RARB: variants seen among roughly 807,000 people sequenced by gnomAD.
The protein encoded by RARB is HBV-activated protein.
Under a neutral mutation model 51.9 loss-of-function variants are expected in RARB, and 17 were observed. The ratio of observed to expected loss-of-function variants is 0.33; its 90% CI spans 0.22 to 0.49. The LOEUF is 0.49. RARB is among the 20% of genes least tolerant of loss of function. The pLI is 0.99. For synonymous variants in RARB, 215 were observed against 195.4 expected, an observed-to-expected ratio of 1.10 and a Z score of -0.84; for missense variants, 369 against 550.8, an observed-to-expected ratio of 0.67 and a Z score of 3.30.
chr3:24,862,356 G>A (rs1438311199), intron 2 of RARB, among the ~76,000 whole-genome samples: 1 of 152,180 alleles, frequency 6.6e-6, no homozygotes, highest in Non-Finnish European at 1.5e-5. Context: ...GTCCAAAGAG[G>A]TGGGTGAAGT....
chr3:25,168,155 G>A (rs1455451938), intron 4 of RARB, among the ~76,000 whole-genome samples: 1 of 152,118 alleles, frequency 6.6e-6, no homozygotes, highest in Non-Finnish European at 1.5e-5. Flanking sequence ...AAAAAGTAAA[G>A]AGAAAGAGTC....
intron 2 of RARB, among the ~76,000 whole-genome samples, chr3:25,018,672 T>C (rs1374430265): frequency 6.6e-6 from 1 of 152,166 alleles, no homozygotes; most frequent in Non-Finnish European, 1.5e-5. Context: ...AGAAAAGTCA[T>C]TGTATATAAA....
chr3:25,556,884 A>G (rs1475106327), intron 3 of RARB, among the ~76,000 whole-genome samples: 1 of 152,224 alleles, frequency 6.6e-6, no homozygotes, highest in Non-Finnish European at 1.5e-5. Context: ...GTTGGCAATT[A>G]TGAGTTTGAA....
At chr3:25,273,868 G>T (rs761237601) in intron 5 of RARB, among the ~76,000 whole-genome samples, 2 of 152,092 alleles carry the variant, frequency 1.3e-5, no homozygotes, top group African/African-American at 2.4e-5. Context: ...TCCTTTTCAG[G>T]CACCTCCAGG....
intron 5 of RARB, among the ~76,000 whole-genome samples, chr3:25,252,571 A>G (rs1330925698): frequency 6.6e-6 from 1 of 152,194 alleles, no homozygotes; most frequent in Admixed American, 6.5e-5. Flanking sequence ...TTCTTTTGCT[A>G]AGCTTATTCC....
chr3:24,915,021 A>G (rs1695075900), intron 2 of RARB, among the ~76,000 whole-genome samples: 1 of 152,212 alleles, frequency 6.6e-6, no homozygotes, highest in Admixed American at 6.5e-5. Context: ...TTTGTCTTTG[A>G]AAGCTGATTT....
At chr3:25,497,624 G>T (rs75165170) in intron 2 of RARB, among the ~76,000 whole-genome samples, 9,266 of 152,232 alleles carry the variant, frequency 0.061, 308 homozygotes, top group Non-Finnish European at 0.081. Context: ...CTTAGTCCCA[G>T]ATGGTTGTGA....
intron 3 of RARB, among the ~76,000 whole-genome samples, chr3:25,544,841 T>C (rs1699550955): frequency 1.3e-5 from 2 of 152,246 alleles, no homozygotes; most frequent in Admixed American, 6.5e-5. Context: ...AAGCAGTTGC[T>C]ATGACAGAAT....
chr3:25,327,224 T>C (rs1163607620), intron 5 of RARB, among the ~76,000 whole-genome samples: 1 of 151,580 alleles, frequency 6.6e-6, no homozygotes, highest in African/African-American at 2.4e-5. Flanking sequence ...GAAGAAATTA[T>C]TTTTTTTTAA....
At chr3:25,492,420 C>A (rs550074296) in intron 2 of RARB, among the ~76,000 whole-genome samples, 2 of 152,330 alleles carry the variant, frequency 1.3e-5, no homozygotes, top group East Asian at 3.9e-4. Context: ...GAACTGAATA[C>A]ATTGGCTTCA....
intron 5 of RARB, among the ~76,000 whole-genome samples, chr3:25,391,447 T>C (rs1161781679): frequency 6.6e-6 from 1 of 152,130 alleles, no homozygotes; most frequent in African/African-American, 2.4e-5. Flanking sequence ...TAGATCTACT[T>C]TTAGTTCTTT....
intron 1 of RARB, among the ~76,000 whole-genome samples, chr3:24,847,436 C>T (rs1160249064): frequency 1.3e-5 from 2 of 152,176 alleles, no homozygotes; most frequent in Non-Finnish European, 2.9e-5. Context: ...TGAATTCTTC[C>T]ACCCTTGTTC....
rs1695163078 is a variant in RARB, at chr3:25,461,232, C to T, written c.197C>T (p.Pro66Leu). 1 of 1,613,948 alleles carries T rather than the reference C, an allele frequency of 6.2e-7. No individual in the cohort carries two copies. The change falls in exon 2 of 8, where the codon CCA becomes CTA. Residue 66 changes from proline (P) to leucine (L), a missense_variant. This residue lies in a region of RARB where 99 missense variants were observed against 95.1 expected (regional missense o/e 1.04). Coordinates refer to ENST00000330688, the MANE Select transcript of RARB (RefSeq NM_000965.5). ...TQSTSSEELVPSPPSPLPPPR... is the reference protein window; with the variant it reads ...TQSTSSEELVLSPPSPLPPPR... The stretch of plus-strand genomic sequence containing the variant: ...AGCACCAGCTCTGAGGAACTCGTCC[C>T]AAGCCCCCCATCTCCACTTCCTCCC...
chr3:24,943,075 A>G (rs1011819951), intron 2 of RARB, among the ~76,000 whole-genome samples: 19 of 152,354 alleles, frequency 1.2e-4, no homozygotes, highest in Middle Eastern at 3.4e-3. Context: ...GGCATAGTCC[A>G]TGAACTCCTA....
At chr3:25,425,418 G>C (rs1047504665), upstream of RARB, among the ~76,000 whole-genome samples, 7 of 152,140 alleles carry the variant, frequency 4.6e-5, no homozygotes, top group Non-Finnish European at 8.8e-5. Context: ...TCATGGGTCT[G>C]TTTTATAAAT....
chr3:24,928,562 T>G (rs1417112690), intron 2 of RARB, among the ~76,000 whole-genome samples: 2 of 152,114 alleles, frequency 1.3e-5, no homozygotes, highest in Non-Finnish European at 2.9e-5. Context: ...TATTTTTAAT[T>G]TAGACTCAAC....
intron 5 of RARB, among the ~76,000 whole-genome samples, chr3:25,297,550 G>A (rs752358402): frequency 2.1e-4 from 32 of 150,714 alleles, no homozygotes; most frequent in Non-Finnish European, 4.4e-4. Flanking sequence ...TTGTTTTCTT[G>A]TAATCTGAAA....
At chr3:25,413,048 A>G (rs908257251) in intron 5 of RARB, among the ~76,000 whole-genome samples, 1 of 151,988 alleles carries the variant, frequency 6.6e-6, no homozygotes, top group Non-Finnish European at 1.5e-5. Context: ...AAGAAGAAGA[A>G]AGAAAAAATA....
chr3:25,055,012 G>A lies in RARB; in HGVS notation c.-379-5113G>A, dbSNP rs1698408180. Reference sequence around the variant, plus strand: ...GTAGATATAATGTACTGTCTCATCAGTCTCTAAATACTTCGTGTATTAGAA... The same window carrying A: ...GTAGATATAATGTACTGTCTCATCAATCTCTAAATACTTCGTGTATTAGAA... On this transcript the variant is annotated intron_variant, in intron 2 of 11. Transcript: ENST00000383772. 2.6e-5 allele frequency among the ~76,000 whole-genome samples: 4 copies of A among 152,136 alleles called. 1 individual carries two copies. In the South Asian group the frequency reaches 8.3e-4, roughly 32 times the overall value.
Sources: gnomAD v4.1 joint callset for allele counts (sites outside exome capture counted in the v4.1 genomes callset) on GRCh38, gnomAD v4.1.1 for gene constraint, gnomAD v4.1.1 regional missense constraint, MANE v1.5 for transcripts, NCBI Gene and HGNC (gene_info 2026-07-23, HGNC 2026-07-21) for gene names.